The following SLC45A2 variants were observed in gnomAD, a reference collection of about 807,000 sequenced individuals.
SLC45A2 encodes the protein solute carrier family 45 member 2.
In SLC45A2, 36 loss-of-function variants were observed where a neutral mutation model predicts 45.5. That is an observed-to-expected ratio of 0.79 (90% CI 0.61 to 1.04). SLC45A2 has a LOEUF of 1.04. Ranked by LOEUF, SLC45A2 falls within the 50% of genes least tolerant of loss-of-function variation. The pLI, the probability that SLC45A2 is intolerant of heterozygous loss-of-function variation, is 0.00. For synonymous variants in SLC45A2, 306 were observed against 269.3 expected (o/e 1.14, Z -1.33); for missense variants, 719 against 671.0 (o/e 1.07, Z -0.79).
rs66961145 is a variant in SLC45A2, at chr5:33,969,065, C to CTGTGTGTGTGTGTG, written c.563-5063_563-5050dup. Among the ~76,000 whole-genome samples, 361 of 102,452 alleles carry CTGTGTGTGTGTGTG rather than the reference C, an allele frequency of 3.5e-3. 2 individuals are homozygous for CTGTGTGTGTGTGTG. Among genetic ancestry groups the CTGTGTGTGTGTGTG allele is most frequent in the East Asian group, 0.014 (55 of 3,970 alleles). 67.2% of individuals were successfully genotyped at this position (102,452 alleles called of 152,430 possible). ...AGCTACTCTCTCTCTCTCTCTCTCT[C>CTGTGTGTGTGTGTG]TGTGTGTGTGTGTGTGTGTGTGTGT... On this transcript the variant is annotated intron_variant, in intron 2 of 6. Coordinates refer to ENST00000296589, the MANE Select transcript of SLC45A2 (RefSeq NM_016180.5).
At chr5:33,951,271 A>G in intron 5 of SLC45A2, 2 of 721,400 alleles carry the variant, frequency 2.8e-6, no homozygotes, top group South Asian at 1.9e-5. Flanking sequence ...TCCATCCAAC[A>G]CTTCATCTTG....
At position 33,947,363 on chromosome 5, in the gene SLC45A2, C is replaced by T. The variant is rs1751967210; in HGVS notation, c.1168G>A (p.Val390Ile). 1.9e-6 allele frequency: 3 copies of T among 1,614,064 alleles called. No individual in the cohort carries two copies. The highest frequency in any genetic ancestry group is 2.5e-6 in the Non-Finnish European group (3 of 1,180,020). Residue 390 changes from valine (V) to isoleucine (I), a missense_variant, in exon 6 of 7, where the codon GTT (valine) becomes ATT (isoleucine). Physicochemically the swap from Val to Ile is conservative, Grantham distance 29 (BLOSUM62 3). Transcript: ENST00000296589. ...TTTAATCCAATGTAGGATACCAAAA[C>T]TTTCTGAAAGTCTGTGGGAAGAAGA... ...FSSLYSYFQK[V>I]LVSYIGLKGL...
intron 2 of SLC45A2, among the ~76,000 whole-genome samples, chr5:33,973,627 G>A (rs572374309): frequency 8.5e-5 from 13 of 152,208 alleles, no homozygotes; most frequent in African/African-American, 3.1e-4. Flanking sequence ...CGCATTTTTT[G>A]TGCATACTTT....
chr5:33,978,437 G>A (rs1386803648), intron 2 of SLC45A2, among the ~76,000 whole-genome samples: 2 of 151,476 alleles, frequency 1.3e-5, no homozygotes, highest in Non-Finnish European at 3.0e-5. Context: ...TTTTTTTAGA[G>A]AGCCTGACAC....
Position 33,959,814 on chromosome 5 carries a change from C to T in SLC45A2, c.888+3877G>A, listed in dbSNP as rs3776558. Among the ~76,000 whole-genome samples the T allele has an allele frequency of 1.1e-3, 167 of 152,226 alleles. 4 individuals are homozygous for T. The East Asian group carries it at 0.03, about 27-fold the overall frequency. The stretch of plus-strand genomic sequence containing the variant: ...TGAGCAGTGTCGAAGTTTACTTTTG[C>T]ATTTATTTTGGAAAAATGCTAAGCA... On this transcript the variant is annotated intron_variant, in intron 3 of 6. Transcript: ENST00000296589.
intron 2 of SLC45A2, among the ~76,000 whole-genome samples, chr5:33,972,836 C>T (rs1221836366): frequency 6.6e-6 from 1 of 152,182 alleles, no homozygotes; most frequent in East Asian, 1.9e-4. Context: ...TTTATTGCAG[C>T]AGAAGTTACA....
chr5:33,946,392 T>G, intron 6 of SLC45A2: 6 of 985,534 alleles, frequency 6.1e-6, no homozygotes, highest in Non-Finnish European at 7.2e-6. Flanking sequence ...CATGCTGAGC[T>G]GGATTAAACT....
At position 33,969,065 on chromosome 5, in the gene SLC45A2, C is replaced by CTCTCTCTCTCTCTCTCTGTGTGTGTGTG; in HGVS notation, c.563-5050_563-5049insCACACACACACAGAGAGAGAGAGAGAGA. Among the ~76,000 whole-genome samples the CTCTCTCTCTCTCTCTCTGTGTGTGTGTG allele has an allele frequency of 4.9e-5, 5 of 102,464 alleles. No homozygotes were observed. The South Asian group carries it at 9.2e-4, about 19-fold the overall frequency. 67.2% of individuals were successfully genotyped at this position (102,464 alleles called of 152,430 possible). ...AGCTACTCTCTCTCTCTCTCTCTCTCTGTGTGTGTGTGTGTGTGTGTGTGT... is the reference window on the plus strand; with the variant it reads ...AGCTACTCTCTCTCTCTCTCTCTCTCTCTCTCTCTCTCTCTCTGTGTGTGTGTGTGTGTGTGTGTGTGTGTGTGTGTGT... On this transcript the variant is annotated intron_variant, in intron 2 of 6. Transcript: ENST00000296589.
chr5:33,951,929 C>T (rs183337721), intron 4 of SLC45A2, among the ~76,000 whole-genome samples: 2 of 152,280 alleles, frequency 1.3e-5, no homozygotes, highest in East Asian at 3.9e-4. Flanking sequence ...CTCCTTCCAT[C>T]TCACAGCTGG....
intron 5 of SLC45A2, among the ~76,000 whole-genome samples, chr5:33,949,481 A>G (rs951432684): frequency 4.6e-5 from 7 of 152,198 alleles, no homozygotes; most frequent in African/African-American, 1.7e-4. Context: ...CAGAAATGAG[A>G]AAGTCTGCAT....
chr5:33,983,665 C>T (rs1753146520), intron 1 of SLC45A2, among the ~76,000 whole-genome samples: 1 of 152,198 alleles, frequency 6.6e-6, no homozygotes, highest in Non-Finnish European at 1.5e-5. Context: ...GAAAAAATGC[C>T]TACCCTCAGG....
intron 2 of SLC45A2, among the ~76,000 whole-genome samples, chr5:33,969,316 A>G (rs975597800): frequency 3.9e-5 from 6 of 152,074 alleles, no homozygotes; most frequent in African/African-American, 9.7e-5. Flanking sequence ...AAAATGATAC[A>G]TATGCTCTGG....
At position 33,984,552 on chromosome 5, in the gene SLC45A2, T is replaced by C. The variant is rs772619431; in HGVS notation, c.32A>G (p.His11Arg). Residue 11 changes from histidine (H) to arginine (R), a missense_variant, in exon 1 of 7, where the codon CAC becomes CGC. By Grantham distance (29) the His-to-Arg change is conservative. Transcript: ENST00000296589. MGSNSGQAGR[H>R]IYKSLADDGP... ...ATCATCAGCTAGGGATTTATAGATG[T>C]GGCGGCCAGCCTGCCCACTGTTGCT... The C allele has an allele frequency of 5.6e-6, 9 of 1,611,718 alleles. No individual in the cohort carries two copies. Among genetic ancestry groups the C allele is most frequent in the African/African-American group, 1.3e-5 (1 of 75,050 alleles).
chr5:33,962,382 T>C (rs1023476307), intron 3 of SLC45A2, among the ~76,000 whole-genome samples: 2 of 152,236 alleles, frequency 1.3e-5, no homozygotes, highest in Non-Finnish European at 2.9e-5. Flanking sequence ...AAAGTGTCTT[T>C]GTATGCTTTA....
At chr5:33,959,476 C>T (rs1234977357) in intron 3 of SLC45A2, among the ~76,000 whole-genome samples, 1 of 151,528 alleles carries the variant, frequency 6.6e-6, no homozygotes, top group African/African-American at 2.4e-5. Flanking sequence ...GGGTTGAGTC[C>T]AGGCATTAGG....
In SLC45A2 at chr5:33,984,410, T is replaced by G. The variant is rs1194509923; in HGVS notation, c.174A>C (p.Pro58=). 4 of 1,613,464 alleles carry G rather than the reference T, an allele frequency of 2.5e-6. No homozygotes were observed. Among genetic ancestry groups the G allele is most frequent in the Non-Finnish European group, 3.4e-6 (4 of 1,179,786 alleles). The change falls in exon 1 of 7, where the codon CCA becomes CCC. Residue 58 remains proline (P), a synonymous_variant. Transcript: ENST00000296589. ...TGGGCAGACCTACGCTGAGCAGGACTGGGGTCACATACGCTGCCTCCACCG... is the reference window on the plus strand; with the variant it reads ...TGGGCAGACCTACGCTGAGCAGGACGGGGGTCACATACGCTGCCTCCACCG... The part of the protein sequence containing the change: ...CYAVEAAYVT[P]VLLSVGLPSS...
rs1235830463 is a variant in SLC45A2, at chr5:33,951,691, T to A, written c.1033-14A>T. On this transcript the variant is annotated splice_polypyrimidine_tract_variant and intron_variant, in intron 4 of 6. Transcript: ENST00000296589. ...GCGGTACACAATCTGAAAGAGAGAT[T>A]GGAGGCTGTTGAGGTACAAATGCAA... The A allele has an allele frequency of 6.2e-7, 1 of 1,614,174 alleles. No individual in the cohort carries two copies. Among genetic ancestry groups the A allele is most frequent in the Admixed American group, 1.7e-5 (1 of 60,014 alleles).
At chr5:33,959,614 G>A (rs1208942846) in intron 3 of SLC45A2, among the ~76,000 whole-genome samples, 1 of 152,204 alleles carries the variant, frequency 6.6e-6, no homozygotes, top group East Asian at 1.9e-4. Context: ...CCTAAAATAG[G>A]AGCTACTGTT....
At chr5:33,983,232 G>T (rs116331340) in intron 1 of SLC45A2, among the ~76,000 whole-genome samples, 1 of 152,150 alleles carries the variant, frequency 6.6e-6, no homozygotes, top group African/African-American at 2.4e-5. Context: ...CTACGGATAC[G>T]CTGTAATCGT....
Sources: allele counts gnomAD v4.1 joint callset (sites outside exome capture counted in the v4.1 genomes callset), GRCh38; gene constraint gnomAD v4.1.1; transcripts MANE v1.5; gene names NCBI Gene and HGNC (gene_info 2026-07-23, HGNC 2026-07-21).